The following ABHD12B variants were observed in gnomAD, a reference collection of about 807,000 sequenced individuals.
ABHD12B encodes protein ABHD12B.
A neutral mutation model predicts 50.4 loss-of-function variants in ABHD12B; 42 were observed. The ratio of observed to expected loss-of-function variants is 0.83; its 90% CI spans 0.65 to 1.08. The LOEUF (loss-of-function observed/expected upper bound fraction) is 1.08. Ranked by LOEUF, ABHD12B falls within the 50% of genes least tolerant of loss-of-function variation. The probability of loss-of-function intolerance (pLI) is 0.00; values close to 1 mark genes in which losing one functional copy is unlikely to be tolerated. For synonymous variants in ABHD12B, 167 were observed against 160.3 expected (o/e 1.04, Z -0.32); for missense variants, 479 against 447.7 (o/e 1.07, Z -0.63).
chr14:50,901,056 G>A (rs2050255523), intron 9 of ABHD12B, among the ~76,000 whole-genome samples: 1 of 152,148 alleles, frequency 6.6e-6, no homozygotes, highest in South Asian at 2.1e-4. Flanking sequence ...GTGATAGTGG[G>A]GATGGGGAGA....
chr14:50,889,369 G>A (rs1028829622), intron 9 of ABHD12B, among the ~76,000 whole-genome samples: 13 of 152,234 alleles, frequency 8.5e-5, no homozygotes, highest in African/African-American at 3.1e-4. Flanking sequence ...GCCGGGAGTG[G>A]TGGCTCCCAC....
At chr14:50,882,655 C>T (rs966706678) in intron 5 of ABHD12B, among the ~76,000 whole-genome samples, 4 of 151,818 alleles carry the variant, frequency 2.6e-5, no homozygotes, top group Non-Finnish European at 4.4e-5. Flanking sequence ...GCTGGGATTA[C>T]AGGCATGAGC....
chr14:50,893,753 A>C (rs1438749111), intron 9 of ABHD12B: 2 of 195,166 alleles, frequency 1.0e-5, no homozygotes, highest in African/African-American at 4.8e-5. Context: ...ACCAATTTCA[A>C]ATCCGGTAAG....
chr14:50,873,528 C>T (rs918805091), intron 1 of ABHD12B, among the ~76,000 whole-genome samples: 6 of 152,156 alleles, frequency 3.9e-5, no homozygotes, highest in African/African-American at 1.4e-4. Context: ...CTCTTCTATT[C>T]CTTTTTATTC....
rs756439630 is a variant in ABHD12B at position 50,872,077 on chromosome 14, G to A, written c.-98G>A. ...CAGCCTGCCTGACCGCGCGGAGGAG[G>A]AGGGCGGGCGCGGTGCCGCCGGGGC... On this transcript the variant is annotated 5_prime_UTR_variant, in exon 1 of 13. Coordinates refer to ENST00000337334, the MANE Select transcript of ABHD12B (RefSeq NM_001206673.2). The A allele has an allele frequency of 3.3e-6, 3 of 908,746 alleles. No individual in the cohort carries two copies. Among genetic ancestry groups the A allele is most frequent in the Non-Finnish European group, 2.8e-6 (2 of 705,750 alleles). 56.3% of individuals were successfully genotyped at this position (908,746 alleles called of 1,614,324 possible). A position where few individuals can be genotyped will look rare whatever the true frequency, so the allele number is the denominator to read the frequency against.
Position 50,888,842 on chromosome 14 carries a change from T to C in ABHD12B, c.719T>C (p.Ile240Thr). ...TTTCAAGGATGCCCAGTTGATGCTA[T>C]TGTCTTGGAAGCTCCATTTACCAAC... The part of the protein sequence containing the change: ...LEEKGCPVDA[I>T]VLEAPFTNMW... The change falls in exon 9 of 13, where the codon ATT (isoleucine) becomes ACT (threonine). Residue 240 changes from isoleucine (I) to threonine (T), a missense_variant. Ile to Thr is a moderately conservative substitution (Grantham distance 89). Coordinates refer to ENST00000337334, the MANE Select transcript of ABHD12B (RefSeq NM_001206673.2). The C allele has an allele frequency of 3.7e-6, 6 of 1,614,070 alleles. No homozygotes were observed. The highest frequency in any genetic ancestry group is 4.2e-6 in the Non-Finnish European group (5 of 1,179,974).
intron 9 of ABHD12B, among the ~76,000 whole-genome samples, chr14:50,896,315 C>T (rs1596020801): frequency 1.3e-5 from 2 of 152,196 alleles, no homozygotes; most frequent in Non-Finnish European, 1.5e-5. Flanking sequence ...TCCATACCAC[C>T]CCCCAAAAAT....
chr14:50,872,279 G>A lies in ABHD12B; in HGVS notation c.104+1G>A, dbSNP rs745909978. On this transcript the variant is annotated splice_donor_variant, in intron 1 of 12. Transcript: ENST00000337334. LOFTEE classifies it high-confidence loss of function. ...GGGACATGGTCGACCGCAACCTGCGGTGAGTACCGCCCGGTCCACCCCTGG... is the reference window on the plus strand; with the variant it reads ...GGGACATGGTCGACCGCAACCTGCGATGAGTACCGCCCGGTCCACCCCTGG... The A allele has an allele frequency of 1.7e-5, 23 of 1,345,934 alleles. No individual in the cohort carries two copies. The East Asian group carries it at 6.8e-4, about 40-fold the overall frequency. The allele number at this position is 1,345,934 out of a possible 1,614,324, so 83.4% of individuals were successfully genotyped here. A position where few individuals can be genotyped will look rare whatever the true frequency, so the allele number is the denominator to read the frequency against.
chr14:50,872,093 C>A lies in ABHD12B; in HGVS notation c.-82C>A. 9.3e-7 allele frequency: 1 copy of A among 1,079,432 alleles called. No individual in the cohort carries two copies. The highest frequency in any genetic ancestry group is 1.2e-6 in the Non-Finnish European group (1 of 859,740). The allele number at this position is 1,079,432 out of a possible 1,614,324, so 66.9% of individuals were successfully genotyped here. A position where few individuals can be genotyped will look rare whatever the true frequency, so the allele number is the denominator to read the frequency against. Reference sequence around the variant, plus strand: ...GCGGAGGAGGAGGGCGGGCGCGGTGCCGCCGGGGCGGGAAGGTCGCGGGCG... The same window carrying A: ...GCGGAGGAGGAGGGCGGGCGCGGTGACGCCGGGGCGGGAAGGTCGCGGGCG... On this transcript the variant is annotated 5_prime_UTR_variant, in exon 1 of 13. Coordinates refer to ENST00000337334, the MANE Select transcript of ABHD12B (RefSeq NM_001206673.2).
chr14:50,895,254 G>A (rs894162392), intron 9 of ABHD12B, among the ~76,000 whole-genome samples: 8 of 149,562 alleles, frequency 5.3e-5, no homozygotes, highest in African/African-American at 1.8e-4. Context: ...ATTAGATTCC[G>A]GCCCTCAAAC....
At chr14:50,898,788 G>A (rs1048347218) in intron 9 of ABHD12B, among the ~76,000 whole-genome samples, 1 of 152,190 alleles carries the variant, frequency 6.6e-6, no homozygotes, top group Admixed American at 6.5e-5. Context: ...GAAGAGGAGG[G>A]AGAAGAAAGA....
At chr14:50,885,474 TA>T (rs1242392131) in intron 5 of ABHD12B, 139 bp from the exon 6 acceptor site, 584 of 887,060 alleles carry the variant, frequency 6.6e-4, no homozygotes, top group Middle Eastern at 7.9e-4. Context: ...GTTCTGCAGT[TA>T]AAAAAAATAC....
At chr14:50,899,577 C>G (rs954314637) in intron 9 of ABHD12B, among the ~76,000 whole-genome samples, 2 of 152,286 alleles carry the variant, frequency 1.3e-5, no homozygotes, top group Admixed American at 6.5e-5. Context: ...CCATTTACTA[C>G]CCCCTCTACC....
intron 1 of ABHD12B, among the ~76,000 whole-genome samples, chr14:50,872,488 C>T (rs998851277): frequency 6.6e-6 from 1 of 152,214 alleles, no homozygotes; most frequent in African/African-American, 2.4e-5. Flanking sequence ...TCAATCCCAA[C>T]CTGGACCAGC....
At chr14:50,877,038 G>A (rs530617407) in intron 1 of ABHD12B, among the ~76,000 whole-genome samples, 3 of 152,144 alleles carry the variant, frequency 2.0e-5, no homozygotes, top group East Asian at 1.9e-4. Flanking sequence ...TGGACAAATC[G>A]TCACTTGTGT....
chr14:50,881,506 T>C (rs987152293), intron 4 of ABHD12B, 90 bp from the exon 5 acceptor site: 24 of 1,420,690 alleles, frequency 1.7e-5, no homozygotes, highest in Non-Finnish European at 2.1e-5. Context: ...TGAGATCAGA[T>C]ACCAGCAGCA....
chr14:50,904,517 T>A lies in ABHD12B; in HGVS notation c.*151T>A. On this transcript the variant is annotated 3_prime_UTR_variant, in exon 13 of 13. Coordinates refer to ENST00000337334, the MANE Select transcript of ABHD12B (RefSeq NM_001206673.2). Reference sequence around the variant, plus strand: ...CACTTGCCATTTTAACAACAGAAAGTACGAATGTTAGGCAGTATGGAATGT... The same window carrying A: ...CACTTGCCATTTTAACAACAGAAAGAACGAATGTTAGGCAGTATGGAATGT... 1 of 941,532 alleles carries A rather than the reference T, an allele frequency of 1.1e-6. No individual in the cohort carries two copies. 58.3% of individuals were successfully genotyped at this position (941,532 alleles called of 1,614,324 possible). A position where few individuals can be genotyped will look rare whatever the true frequency, so the allele number is the denominator to read the frequency against.
chr14:50,881,495 G>T (rs564135804), intron 4 of ABHD12B, 101 bp from the exon 5 acceptor site: 1 of 1,250,582 alleles, frequency 8.0e-7, no homozygotes. Flanking sequence ...AGAGAAAGGC[G>T]TGAGATCAGA....
At chr14:50,879,111 G>A (rs1458390069) in intron 3 of ABHD12B, among the ~76,000 whole-genome samples, 1 of 152,110 alleles carries the variant, frequency 6.6e-6, no homozygotes, top group Non-Finnish European at 1.5e-5. Flanking sequence ...TTGCCTTCAT[G>A]CCCTTAACTC....
Sources: allele counts gnomAD v4.1 joint callset (sites outside exome capture counted in the v4.1 genomes callset), GRCh38; gene constraint gnomAD v4.1.1; transcripts MANE v1.5; gene names NCBI Gene and HGNC (gene_info 2026-07-23, HGNC 2026-07-21).